PRELID2: variants seen among roughly 807,000 people sequenced by gnomAD.
PRELID2 encodes the protein PRELI domain-containing protein 2.
Under a neutral mutation model 28.4 loss-of-function variants are expected in PRELID2, and 25 were observed. The observed-to-expected ratio is 0.88, with a 90% CI of 0.64 to 1.23. PRELID2 has a LOEUF of 1.23. Ranked by LOEUF, PRELID2 falls within the 50% of genes most tolerant of loss-of-function variation. The probability of loss-of-function intolerance (pLI) is 0.00; values close to 1 mark genes in which losing one functional copy is unlikely to be tolerated. For synonymous variants in PRELID2, 76 were observed against 71.6 expected (o/e 1.06, Z -0.31); for missense variants, 201 against 214.4 (o/e 0.94, Z 0.39).
the PRELID2 span, among the ~76,000 whole-genome samples, chr5:145,421,870 A>T: frequency 6.7e-6 from 1 of 149,328 alleles, no homozygotes; most frequent in African/African-American, 2.5e-5. Flanking sequence ...GTGGGCATTT[A>T]GTGCTATAAA....
intron 1 of PRELID2, among the ~76,000 whole-genome samples, chr5:145,505,234 A>G (rs572096232): frequency 1.2e-4 from 18 of 152,326 alleles, no homozygotes; most frequent in African/African-American, 3.6e-4. Flanking sequence ...GAGAAAAAAC[A>G]CATTTACTAC....
At chr5:145,432,940 T>C in the PRELID2 span, among the ~76,000 whole-genome samples, 1 of 152,182 alleles carries the variant, frequency 6.6e-6, no homozygotes, top group Non-Finnish European at 1.5e-5. Context: ...CATCTTCAAT[T>C]GGTAGCCTGA....
intron 1 of PRELID2, among the ~76,000 whole-genome samples, chr5:145,479,473 C>CG (rs1336155358): frequency 6.6e-6 from 1 of 152,132 alleles, no homozygotes; most frequent in Non-Finnish European, 1.5e-5. Context: ...CCTGAACTTA[C>CG]GGCCCCTGTG....
the PRELID2 span, among the ~76,000 whole-genome samples, chr5:145,308,531 T>G: frequency 6.6e-6 from 1 of 152,222 alleles, no homozygotes; most frequent in Non-Finnish European, 1.5e-5. Context: ...AAGAAATTAA[T>G]GTGAATTTAA....
intron 4 of PRELID2, among the ~76,000 whole-genome samples, chr5:145,811,064 G>A (rs949153271): frequency 4.6e-4 from 49 of 106,632 alleles, no homozygotes; most frequent in African/African-American, 1.6e-3. Context: ...CAAAAGGCAC[G>A]TCTTACATGG....
chr5:145,799,228 A>T (rs912499791), intron 4 of PRELID2, among the ~76,000 whole-genome samples: 46 of 126,014 alleles, frequency 3.7e-4, no homozygotes, highest in African/African-American at 1.4e-3. Flanking sequence ...TACTGAAATT[A>T]AAAAAAAAAA....
At chr5:145,520,803 C>A (rs1752557517) in intron 1 of PRELID2, among the ~76,000 whole-genome samples, 1 of 152,128 alleles carries the variant, frequency 6.6e-6, no homozygotes, top group African/African-American at 2.4e-5. Flanking sequence ...ATCATCTCAT[C>A]CCTAGAAACT....
the PRELID2 span, among the ~76,000 whole-genome samples, chr5:145,233,148 G>A: frequency 6.6e-6 from 1 of 152,154 alleles, no homozygotes; most frequent in East Asian, 1.9e-4. Context: ...GAGGCTCAGA[G>A]GGGTCTGCCA....
chr5:145,514,016 A>G (rs1752489472), intron 1 of PRELID2, among the ~76,000 whole-genome samples: 2 of 152,204 alleles, frequency 1.3e-5, no homozygotes, highest in African/African-American at 4.8e-5. Context: ...GGAAAGGAAA[A>G]ACCAGTACCA....
intron 1 of PRELID2, among the ~76,000 whole-genome samples, chr5:145,735,396 C>G (rs1213316082): frequency 6.6e-6 from 1 of 152,002 alleles, no homozygotes; most frequent in Non-Finnish European, 1.5e-5. Context: ...TTTATACACA[C>G]TCAGAAACAC....
At chr5:145,463,873 G>A in the PRELID2 span, among the ~76,000 whole-genome samples, 6 of 152,102 alleles carry the variant, frequency 3.9e-5, no homozygotes, top group Non-Finnish European at 8.8e-5. Context: ...CTCTAAGCCT[G>A]ATTCAGAGAT....
intron 1 of PRELID2, among the ~76,000 whole-genome samples, chr5:145,746,722 G>A: frequency 6.6e-6 from 1 of 152,170 alleles, no homozygotes; most frequent in Non-Finnish European, 1.5e-5. Context: ...CAAATCAACA[G>A]AATATACATT....
chr5:145,341,504 C>A, the PRELID2 span, among the ~76,000 whole-genome samples: 1 of 151,938 alleles, frequency 6.6e-6, no homozygotes, highest in African/African-American at 2.4e-5. Flanking sequence ...TGAGCCACTG[C>A]ACTCCAACCT....
the PRELID2 span, among the ~76,000 whole-genome samples, chr5:145,445,130 G>A: frequency 7.2e-5 from 11 of 151,962 alleles, no homozygotes; most frequent in African/African-American, 2.7e-4. Flanking sequence ...CCTTCAAAAT[G>A]TACTACAAAT....
At chr5:145,816,668 C>T (rs977497999) in intron 4 of PRELID2, among the ~76,000 whole-genome samples, 2 of 152,034 alleles carry the variant, frequency 1.3e-5, no homozygotes, top group Non-Finnish European at 1.5e-5. Context: ...TATCTCAGCA[C>T]CATTTGTTGA....
rs779675057 is a variant in PRELID2 at position 145,820,031 on chromosome 5, T to A, written c.134-13A>T. 3.1e-5 allele frequency: 46 copies of A among 1,481,300 alleles called. No individual in the cohort carries two copies. Among genetic ancestry groups the A allele is most frequent in the Non-Finnish European group, 4.1e-5 (44 of 1,074,830 alleles). 91.8% of individuals were successfully genotyped at this position (1,481,300 alleles called of 1,614,324 possible). On this transcript the variant is annotated splice_polypyrimidine_tract_variant and intron_variant, in intron 2 of 6. Transcript: ENST00000683046. ...CCTGTTGATTCATCTAAAAAAGAAA[T>A]TTTTTTACACAAAAAAAAATTAAAG...
At chr5:145,410,295 A>C in the PRELID2 span, among the ~76,000 whole-genome samples, 1 of 152,220 alleles carries the variant, frequency 6.6e-6, no homozygotes, top group Non-Finnish European at 1.5e-5. Flanking sequence ...TGCAACAAAA[A>C]CAAAAATAAA....
chr5:145,649,727 T>C (rs1223082835), intron 1 of PRELID2, among the ~76,000 whole-genome samples: 1 of 152,226 alleles, frequency 6.6e-6, no homozygotes, highest in Non-Finnish European at 1.5e-5. Context: ...ATTTCAAGGC[T>C]CCAAATTTTG....
At chr5:145,403,488 C>T in the PRELID2 span, among the ~76,000 whole-genome samples, 7 of 152,174 alleles carry the variant, frequency 4.6e-5, no homozygotes, top group African/African-American at 7.2e-5. Context: ...GGGCCTGGTT[C>T]GGAGGTCTCC....
Sources: allele counts gnomAD v4.1 joint callset (sites outside exome capture counted in the v4.1 genomes callset), GRCh38; gene constraint gnomAD v4.1.1; transcripts MANE v1.5; gene names NCBI Gene and HGNC (gene_info 2026-07-23, HGNC 2026-07-21).